The following GRID1 variants were observed in gnomAD, a reference collection of about 807,000 sequenced individuals.
GRID1 encodes the protein glutamate ionotropic receptor delta type subunit 1.
In GRID1, 28 loss-of-function variants were observed where a neutral mutation model predicts 98.0. That is an observed-to-expected ratio of 0.29 (90% CI 0.21 to 0.39). The LOEUF (loss-of-function observed/expected upper bound fraction) is 0.39, where lower values mean the gene tolerates loss of function less well. Among genes scored for constraint, GRID1 ranks in the 10% least tolerant of loss-of-function variants. The pLI is 1.00. For synonymous variants in GRID1, 553 were observed against 538.5 expected (o/e 1.03, Z -0.37); for missense variants, 1,111 against 1,340.5 (o/e 0.83, Z 2.67).
intron 2 of GRID1, among the ~76,000 whole-genome samples, chr10:86,343,171 T>C (rs990513135): frequency 2.0e-5 from 3 of 152,250 alleles, no homozygotes; most frequent in African/African-American, 7.2e-5. Flanking sequence ...CAGAGGGTTA[T>C]TCACCTTCTT....
At chr10:85,851,182 AC>A (rs1564609467) in intron 8 of GRID1, among the ~76,000 whole-genome samples, 1 of 152,156 alleles carries the variant, frequency 6.6e-6, no homozygotes, top group Non-Finnish European at 1.5e-5. Flanking sequence ...AAAAAACATG[AC>A]ACCAACAGGA....
chr10:86,174,495 G>A (rs1313109948), intron 3 of GRID1, among the ~76,000 whole-genome samples: 1 of 151,560 alleles, frequency 6.6e-6, no homozygotes, highest in Non-Finnish European at 1.5e-5. Context: ...ATTAATTCAA[G>A]ATGGATTAAA....
intron 6 of GRID1, among the ~76,000 whole-genome samples, chr10:85,860,473 C>G (rs1006709656): frequency 6.6e-6 from 1 of 152,196 alleles, no homozygotes; most frequent in East Asian, 1.9e-4. Flanking sequence ...CAAGGCCAGA[C>G]AGAAGCCAGG....
At chr10:85,995,462 T>C (rs1842729510) in intron 4 of GRID1, among the ~76,000 whole-genome samples, 1 of 152,190 alleles carries the variant, frequency 6.6e-6, no homozygotes, top group Non-Finnish European at 1.5e-5. Context: ...GGGAAAATGT[T>C]CCCCAGTTGA....
chr10:86,118,289 T>G (rs776503725), intron 4 of GRID1, among the ~76,000 whole-genome samples: 2 of 152,018 alleles, frequency 1.3e-5, no homozygotes, highest in African/African-American at 2.4e-5. Context: ...GTTATGAGGA[T>G]GCAAAGCCAT....
chr10:86,013,058 A>G (rs1564649815), intron 4 of GRID1, among the ~76,000 whole-genome samples: 1 of 152,146 alleles, frequency 6.6e-6, no homozygotes, highest in African/African-American at 2.4e-5. Flanking sequence ...AGTAGGGGCT[A>G]ATGCAGGTCA....
chr10:86,109,005 C>A (rs111722100), intron 4 of GRID1, among the ~76,000 whole-genome samples: 8 of 152,326 alleles, frequency 5.3e-5, no homozygotes, highest in African/African-American at 1.9e-4. Flanking sequence ...TGCAGCCCAG[C>A]CTGCACACCT....
At chr10:85,780,977 A>T (rs1842376046) in intron 8 of GRID1, among the ~76,000 whole-genome samples, 1 of 152,234 alleles carries the variant, frequency 6.6e-6, no homozygotes, top group Non-Finnish European at 1.5e-5. Context: ...GGTGAACACC[A>T]GAGTGCTTGG....
At chr10:86,117,438 C>A (rs541348663) in intron 4 of GRID1, among the ~76,000 whole-genome samples, 6 of 151,994 alleles carry the variant, frequency 3.9e-5, no homozygotes, top group African/African-American at 1.2e-4. Context: ...AATACAAACA[C>A]CATCCTACCA....
chr10:85,602,617 C>G lies in GRID1; in HGVS notation c.2686G>C (p.Ala896Pro). ...TCCAGGGCCGAGAGCTCAATCGACG[C>G]TGGGGAAATCTGCTTGTGAGCAATG... ...EDIAHKQISP[A>P]SIELSALEMG... Residue 896 changes from alanine (A) to proline (P), a missense_variant, in exon 16 of 16, where the codon GCG (alanine) becomes CCG (proline). Ala to Pro is a conservative substitution (Grantham distance 27, BLOSUM62 -1). This residue lies in a region of GRID1 where 762 missense variants were observed against 869.1 expected (regional missense o/e 0.88). Coordinates refer to ENST00000327946, the MANE Select transcript of GRID1 (RefSeq NM_017551.3). The G allele has an allele frequency of 6.2e-7, 1 of 1,613,990 alleles. No individual in the cohort carries two copies. The highest frequency in any genetic ancestry group is 2.2e-5 in the East Asian group (1 of 44,850).
intron 12 of GRID1, among the ~76,000 whole-genome samples, chr10:85,669,079 G>A (rs563181669): frequency 1.3e-5 from 2 of 152,228 alleles, no homozygotes; most frequent in Non-Finnish European, 2.9e-5. Context: ...CTAATCACAG[G>A]GTTCCCCATT....
In GRID1 at chr10:85,728,008, G is replaced by A. The variant is rs149314910; in HGVS notation, c.1380C>T (p.Pro460=). ...VMVAENILGQ[P]KRYKGFSIDV... ...CTATGGAGAACCCTTTGTAGCGCTT[G>A]GGCTGTCCTAGGATGTTCTCAGCCA... is the stretch of plus-strand genomic sequence containing the variant. Residue 460 remains proline, a synonymous_variant, in exon 10 of 16, where the codon CCC becomes CCT. Transcript: ENST00000327946. 1.1e-4 allele frequency: 180 copies of A among 1,613,736 alleles called. 1 individual carries two copies. The highest frequency in any genetic ancestry group is 1.5e-4 in the Non-Finnish European group (174 of 1,179,722).
At chr10:85,702,841 G>A (rs1430583189) in intron 12 of GRID1, among the ~76,000 whole-genome samples, 1 of 151,738 alleles carries the variant, frequency 6.6e-6, no homozygotes, top group Non-Finnish European at 1.5e-5. Flanking sequence ...AGAAAAACAG[G>A]CATGTGGTAA....
chr10:85,933,285 TAAAAAAAAAAAAAAA>T (rs59704249), intron 4 of GRID1, among the ~76,000 whole-genome samples: 2 of 120,440 alleles, frequency 1.7e-5, no homozygotes, highest in Non-Finnish European at 1.7e-5. Context: ...CTCTGTTCTT[TAAAAAAAAAAAAAAA>T]AAAAAAAAAA....
chr10:86,291,348 G>A (rs1847509561), intron 2 of GRID1, among the ~76,000 whole-genome samples: 2 of 152,214 alleles, frequency 1.3e-5, no homozygotes. Context: ...CAGAGACCGT[G>A]TTAGGACCAG....
Position 86,061,611 on chromosome 10 carries a change from C to T in GRID1, c.726+77208G>A, listed in dbSNP as rs76944767. On this transcript the variant is annotated intron_variant, in intron 4 of 15. Transcript: ENST00000327946. ...GCACTGTGATTCCAGATGGCTGCTGCTCCCCCAGACCCCTCTGGAGGTCCC... is the reference window on the plus strand; with the variant it reads ...GCACTGTGATTCCAGATGGCTGCTGTTCCCCCAGACCCCTCTGGAGGTCCC... 3.5e-3 allele frequency among the ~76,000 whole-genome samples: 528 copies of T among 152,310 alleles called. 5 individuals carry two copies. Among genetic ancestry groups the T allele is most frequent in the African/African-American group, 0.012 (501 of 41,568 alleles).
chr10:86,238,789 G>A (rs1197848431), intron 2 of GRID1, among the ~76,000 whole-genome samples: 1 of 152,152 alleles, frequency 6.6e-6, no homozygotes, highest in Non-Finnish European at 1.5e-5. Context: ...TGCAAAGTGT[G>A]CGAGTTGAGG....
At chr10:86,256,681 CA>C (rs1462166359) in intron 2 of GRID1, among the ~76,000 whole-genome samples, 2 of 152,120 alleles carry the variant, frequency 1.3e-5, no homozygotes, top group Non-Finnish European at 2.9e-5. Context: ...TGCAGCACAA[CA>C]TGGAGGATTA....
At chr10:85,926,227 A>G (rs894300916) in intron 4 of GRID1, among the ~76,000 whole-genome samples, 5 of 152,276 alleles carry the variant, frequency 3.3e-5, no homozygotes, top group African/African-American at 4.8e-5. Flanking sequence ...ATGGTGCGAC[A>G]GCTGGGGCAT....
Sources: gnomAD v4.1 joint callset for allele counts (sites outside exome capture counted in the v4.1 genomes callset) on GRCh38, gnomAD v4.1.1 for gene constraint, gnomAD v4.1.1 regional missense constraint, MANE v1.5 for transcripts, NCBI Gene and HGNC (gene_info 2026-07-23, HGNC 2026-07-21) for gene names.